ZNF100: variants seen among roughly 807,000 people sequenced by gnomAD.
ZNF100 encodes zinc finger protein 100, also known as zinc finger protein 100 (Y1).
ZNF100 carries 12 observed loss-of-function variants against 15.8 expected under a neutral mutation model. The ratio of observed to expected loss-of-function variants is 0.76; its 90% CI spans 0.49 to 1.23. The LOEUF (loss-of-function observed/expected upper bound fraction) is 1.23, where lower values mean the gene tolerates loss of function less well. ZNF100 is among the 50% of genes most tolerant of loss of function. ZNF100 has a pLI of 0.00. For synonymous variants in ZNF100, 226 were observed against 214.8 expected (o/e 1.05, Z -0.45); for missense variants, 670 against 635.6 (o/e 1.05, Z -0.58).
intron 4 of ZNF100, among the ~76,000 whole-genome samples, chr19:21,731,961 T>C (rs1363023278): frequency 6.6e-6 from 1 of 152,134 alleles, no homozygotes; most frequent in Admixed American, 6.6e-5. Context: ...TTAAAAAATA[T>C]TTGATAATGG....
chr19:21,754,129 T>C (rs1183082759), intron 2 of ZNF100, among the ~76,000 whole-genome samples: 1 of 152,138 alleles, frequency 6.6e-6, no homozygotes, highest in African/African-American at 2.4e-5. Flanking sequence ...ATACTTCCTC[T>C]ACTATAGCAA....
At position 21,727,874 on chromosome 19, in the gene ZNF100, T is replaced by C. The variant is rs1384731891; in HGVS notation, c.438A>G (p.Gln146=). 2 of 1,608,926 alleles carry C rather than the reference T, an allele frequency of 1.2e-6. No individual in the cohort carries two copies. Among genetic ancestry groups the C allele is most frequent in the Non-Finnish European group, 1.7e-6 (2 of 1,178,586 alleles). The change falls in exon 5 of 5, where the codon CAA becomes CAG. Residue 146 remains glutamine, a synonymous_variant. Transcript: ENST00000358296. Reference sequence around the variant, plus strand: ...ACTCATCCACACTTTTACAGCCTTTTTGTAACTGTAAATTGTCATGTCCAT... The same window carrying C: ...ACTCATCCACACTTTTACAGCCTTTCTGTAACTGTAAATTGTCATGTCCAT... ...GKYGHDNLQL[Q]KGCKSVDECK...
chr19:21,727,468 T>C lies in ZNF100; in HGVS notation c.844A>G (p.Ile282Val). The change falls in exon 5 of 5, where the codon ATT becomes GTT. Residue 282 changes from isoleucine (I) to valine (V), a missense_variant. Physicochemically the swap from Ile to Val is conservative, Grantham distance 29. Transcript: ENST00000358296. ...RSSHLTTHKIIHTGEKPYRCE... is the reference protein window; with the variant it reads ...RSSHLTTHKIVHTGEKPYRCE... ...CTGTATGGTTTCTCTCCAGTATGAA[T>C]TATCTTATGTGTAGTAAGGTGTGAG... 6.2e-7 allele frequency: 1 copy of C among 1,613,396 alleles called. No individual in the cohort carries two copies. The highest frequency in any genetic ancestry group is 2.2e-5 in the East Asian group (1 of 44,854).
chr19:21,726,942 T>G lies in ZNF100; in HGVS notation c.1370A>C (p.Tyr457Ser). 6.2e-7 allele frequency: 1 copy of G among 1,611,386 alleles called. No individual in the cohort carries two copies. The highest frequency in any genetic ancestry group is 8.5e-7 in the Non-Finnish European group (1 of 1,179,018). ...GGCTTTGCCACATTCGTCACATTTGTAGGGTTTCTCTCCAGTATGAATCAT... is the reference window on the plus strand; with the variant it reads ...GGCTTTGCCACATTCGTCACATTTGGAGGGTTTCTCTCCAGTATGAATCAT... ...HKMIHTGEKP[Y>S]KCDECGKAFN... The change falls in exon 5 of 5, where the codon TAC (tyrosine) becomes TCC (serine). Residue 457 changes from tyrosine (Y) to serine (S), a missense_variant. Physicochemically the swap from Tyr to Ser is moderately radical, Grantham distance 144. Transcript: ENST00000358296.
rs1247218953 is a variant in ZNF100, at chr19:21,737,972, C to T, written c.322+6045G>A. 5.9e-5 allele frequency among the ~76,000 whole-genome samples: 9 copies of T among 151,984 alleles called. No homozygotes were observed. The East Asian group carries it at 7.7e-4, about 13-fold the overall frequency. On this transcript the variant is annotated intron_variant, in intron 4 of 4. Transcript: ENST00000358296. ...ATCCCTGATAAATATCGATGCAGGC[C>T]GGGCACAGTGGTTCTTGCCTGTAAT...
At chr19:21,749,713 A>G (rs1031923805) in intron 2 of ZNF100, among the ~76,000 whole-genome samples, 1 of 152,196 alleles carries the variant, frequency 6.6e-6, no homozygotes, top group Non-Finnish European at 1.5e-5. Flanking sequence ...TTCTATTTAT[A>G]CCTGGAGTCT....
intron 3 of ZNF100, among the ~76,000 whole-genome samples, chr19:21,744,657 A>T (rs770098739): frequency 7.9e-5 from 12 of 152,170 alleles, no homozygotes; most frequent in Non-Finnish European, 1.5e-4. Flanking sequence ...GGAGTGAGCC[A>T]CCATGCCCGG....
intron 2 of ZNF100, among the ~76,000 whole-genome samples, chr19:21,763,589 G>GAA (rs1555709341): frequency 7.1e-6 from 1 of 140,248 alleles, no homozygotes; most frequent in Non-Finnish European, 1.5e-5. Flanking sequence ...ACTCCATCCC[G>GAA]GGGGGAAAAA....
At chr19:21,740,065 TC>T (rs1184407908) in intron 4 of ZNF100, among the ~76,000 whole-genome samples, 1 of 152,054 alleles carries the variant, frequency 6.6e-6, no homozygotes, top group African/African-American at 2.4e-5. Context: ...GCATTATACT[TC>T]CCGATTTTAA....
At chr19:21,730,409 C>G (rs2035892012) in intron 4 of ZNF100, among the ~76,000 whole-genome samples, 1 of 144,876 alleles carries the variant, frequency 6.9e-6, no homozygotes, top group Admixed American at 7.1e-5. Flanking sequence ...CAAAGAAGGG[C>G]ATTAAACAAT....
chr19:21,731,290 C>G (rs1424449418), intron 4 of ZNF100, among the ~76,000 whole-genome samples: 1 of 150,714 alleles, frequency 6.6e-6, no homozygotes, highest in Non-Finnish European at 1.5e-5. Context: ...AAGTTTCTTT[C>G]CTTTTTCTTT....
chr19:21,744,015 A>AC lies in ZNF100; in HGVS notation c.322+1dup. On this transcript the variant is annotated splice_donor_variant, in intron 4 of 4. Coordinates refer to ENST00000358296, the MANE Select transcript of ZNF100 (RefSeq NM_173531.4). LOFTEE classifies it high-confidence loss of function. ...TCATCTGTTGTGTTCACTCTCACCT[A>AC]CCTGGGGGTTTGGCTACCATCTCAT... 2 of 1,609,584 alleles carry AC rather than the reference A, an allele frequency of 1.2e-6. No individual in the cohort carries two copies. The highest frequency in any genetic ancestry group is 3.4e-5 in the Admixed American group (2 of 59,416).
At chr19:21,728,130 G>C in intron 4 of ZNF100, 141 bp from the exon 5 acceptor site, 1 of 680,940 alleles carries the variant, frequency 1.5e-6, no homozygotes. Context: ...ACATATAAAT[G>C]TAAAAAAAAA....
chr19:21,746,881 T>A (rs1412328175), intron 2 of ZNF100: 2 of 152,122 alleles, frequency 1.3e-5, no homozygotes, highest in Non-Finnish European at 2.9e-5. Flanking sequence ...CCTTTTCAGA[T>A]GAAATTCTCT....
intron 2 of ZNF100, among the ~76,000 whole-genome samples, chr19:21,759,312 A>G (rs2036441781): frequency 6.6e-6 from 1 of 152,194 alleles, no homozygotes; most frequent in African/African-American, 2.4e-5. Context: ...CAAAAAGAAG[A>G]GGTGGGGAAA....
intron 2 of ZNF100, among the ~76,000 whole-genome samples, chr19:21,760,657 A>AT (rs2036467825): frequency 6.6e-6 from 1 of 151,666 alleles, no homozygotes; most frequent in African/African-American, 2.4e-5. Context: ...TCAAAAGATG[A>AT]TTTGTAGTCC....
In ZNF100 at chr19:21,767,308, G is replaced by A; in HGVS notation, c.3+119C>T. On this transcript the variant is annotated intron_variant, in intron 1 of 4. Coordinates refer to ENST00000358296, the MANE Select transcript of ZNF100 (RefSeq NM_173531.4). Reference sequence around the variant, plus strand: ...GCCGAAGGGGACGGAGGCCGAGCTGGGCAAGGCGCAGATTGTGAAGCTGAC... The same window carrying A: ...GCCGAAGGGGACGGAGGCCGAGCTGAGCAAGGCGCAGATTGTGAAGCTGAC... 11 of 1,562,720 alleles carry A rather than the reference G, an allele frequency of 7.0e-6. No individual in the cohort carries two copies. The South Asian group carries it at 1.2e-4, about 18-fold the overall frequency.
In ZNF100 at chr19:21,725,225, AATGTCTGT is replaced by A. The variant is rs975126121; in HGVS notation, c.*1450_*1457del. ...ACCCTTGAGTAAGGTGGAATAGGTT[AATGTCTGT>A]GGCATAATAACACTTCACTGAATGC... On this transcript the variant is annotated 3_prime_UTR_variant, in exon 5 of 5. Transcript: ENST00000358296. 3.1e-4 allele frequency: 47 copies of A among 152,310 alleles called. No individual in the cohort carries two copies. Among genetic ancestry groups the A allele is most frequent in the African/African-American group, 1.0e-3 (43 of 41,572 alleles). 9.4% of individuals were successfully genotyped at this position (152,310 alleles called of 1,614,324 possible).
At position 21,726,912 on chromosome 19, in the gene ZNF100, T is replaced by C; in HGVS notation, c.1400A>G (p.Asn467Ser). 6.2e-7 allele frequency: 1 copy of C among 1,611,994 alleles called. No individual in the cohort carries two copies. The change falls in exon 5 of 5, where the codon AAC becomes AGC. Residue 467 changes from asparagine to serine, a missense_variant. Coordinates refer to ENST00000358296, the MANE Select transcript of ZNF100 (RefSeq NM_173531.4). Reference sequence around the variant, plus strand: ...ATGTGCAGTTAGTTGTGAGGACCGGTTAAAGGCTTTGCCACATTCGTCACA... The same window carrying C: ...ATGTGCAGTTAGTTGTGAGGACCGGCTAAAGGCTTTGCCACATTCGTCACA... ...YKCDECGKAF[N>S]RSSQLTAHKM... is the part of the protein sequence containing the mutation.
Sources: allele counts gnomAD v4.1 joint callset (sites outside exome capture counted in the v4.1 genomes callset), GRCh38; gene constraint gnomAD v4.1.1; transcripts MANE v1.5; gene names NCBI Gene and HGNC (gene_info 2026-07-23, HGNC 2026-07-21).